DNAJC10: variants seen among roughly 807,000 people sequenced by gnomAD.
The protein encoded by DNAJC10 is endoplasmic reticulum disulfide reductase DNAJC10.
DNAJC10 carries 101 observed loss-of-function variants against 115.0 expected under a neutral mutation model. The observed-to-expected ratio is 0.88, with a 90% CI of 0.75 to 1.04. The LOEUF (loss-of-function observed/expected upper bound fraction) is 1.04. Among genes scored for constraint, DNAJC10 ranks in the 50% least tolerant of loss-of-function variants. The probability of loss-of-function intolerance (pLI) is 0.00; values close to 1 mark genes in which losing one functional copy is unlikely to be tolerated. For missense variants in DNAJC10, 981 were observed against 928.8 expected (o/e 1.06, Z -0.73); for synonymous variants, 307 against 301.5 (o/e 1.02, Z -0.19).
intron 22 of DNAJC10, among the ~76,000 whole-genome samples, chr2:182,764,503 A>G (rs1457707180): frequency 6.6e-6 from 1 of 152,126 alleles, no homozygotes; most frequent in Non-Finnish European, 1.5e-5. Context: ...ATTTACAGGC[A>G]GCCACCATTC....
At position 182,778,791 on chromosome 2, in the gene DNAJC10, C is replaced by G. The variant is rs956548990; in HGVS notation, c.*1659C>G. 1 of 152,180 alleles carries G rather than the reference C, an allele frequency of 6.6e-6. No homozygotes were observed. The highest frequency in any genetic ancestry group is 2.1e-4 in the South Asian group (1 of 4,834). 9.4% of individuals were successfully genotyped at this position (152,180 alleles called of 1,614,324 possible). On this transcript the variant is annotated 3_prime_UTR_variant, in exon 24 of 24. Transcript: ENST00000264065. ...TCAGTAATGGCAAGAGCCTTTCATT[C>G]TCGAATGTTTAAAGCCTAGGAGTTC...
intron 14 of DNAJC10, among the ~76,000 whole-genome samples, chr2:182,748,964 T>C (rs1203588988): frequency 1.3e-5 from 2 of 151,768 alleles, no homozygotes; most frequent in African/African-American, 4.8e-5. Context: ...AGTTGAGCGG[T>C]TTTGAGTGAG....
chr2:182,775,285 C>G lies in DNAJC10; in HGVS notation c.2266-31C>G, dbSNP rs182363819. The G allele has an allele frequency of 1.6e-5, 21 of 1,326,652 alleles. No individual in the cohort carries two copies. In the East Asian group the frequency reaches 5.1e-4, roughly 32 times the overall value. 82.2% of individuals were successfully genotyped at this position (1,326,652 alleles called of 1,614,324 possible). ...GGAAATGTTATGTTTTTATTAAATA[C>G]TTAAAAGATAACAAGTGTTTTTAAT... On this transcript the variant is annotated intron_variant, in intron 22 of 23. Transcript: ENST00000264065.
intron 9 of DNAJC10, among the ~76,000 whole-genome samples, chr2:182,731,358 A>T (rs1209459277): frequency 6.6e-6 from 1 of 152,040 alleles, no homozygotes; most frequent in African/African-American, 2.4e-5. Flanking sequence ...ACTCATGATA[A>T]ATTGTACCTT....
At position 182,775,438 on chromosome 2, in the gene DNAJC10, A is replaced by C. The variant is rs1694681757; in HGVS notation, c.2370+18A>C. The C allele has an allele frequency of 6.4e-7, 1 of 1,569,008 alleles. No homozygotes were observed. The highest frequency in any genetic ancestry group is 1.4e-5 in the African/African-American group (1 of 73,522). ...GGAATAAGGTATGGACTAAGCCTAG[A>C]GTTGACTTTGGCAAAAGTTGGCAAA... On this transcript the variant is annotated intron_variant, in intron 23 of 23. Transcript: ENST00000264065.
At chr2:182,721,956 T>C (rs77712924) in intron 4 of DNAJC10, 69 bp from the exon 5 acceptor site, 1 of 863,336 alleles carries the variant, frequency 1.2e-6, no homozygotes, top group African/African-American at 1.8e-5. Flanking sequence ...AAACGAGTAA[T>C]CTATTTTTAT....
chr2:182,755,875 T>C (rs1694144303), intron 17 of DNAJC10, among the ~76,000 whole-genome samples: 1 of 152,184 alleles, frequency 6.6e-6, no homozygotes, highest in South Asian at 2.1e-4. Flanking sequence ...AGTTGCCTCT[T>C]TGCCTGTTAT....
At chr2:182,776,538 T>C (rs1040645553) in intron 23 of DNAJC10, among the ~76,000 whole-genome samples, 10 of 152,206 alleles carry the variant, frequency 6.6e-5, no homozygotes. Context: ...ACAAAATAGC[T>C]CAGCCTCTGG....
At chr2:182,748,584 T>C (rs1269568191) in intron 14 of DNAJC10, among the ~76,000 whole-genome samples, 1 of 152,210 alleles carries the variant, frequency 6.6e-6, no homozygotes, top group Non-Finnish European at 1.5e-5. Flanking sequence ...ATATCCCCTT[T>C]ATCATTTTTT....
intron 1 of DNAJC10, among the ~76,000 whole-genome samples, chr2:182,716,771 C>T (rs972166128): frequency 6.6e-6 from 1 of 152,134 alleles, no homozygotes; most frequent in Non-Finnish European, 1.5e-5. Context: ...TCATCTTTAC[C>T]CCTCTCCCCT....
chr2:182,792,594 G>C lies in DNAJC10; in HGVS notation c.*15462G>C, dbSNP rs1241529918. The C allele has an allele frequency of 6.6e-6, 1 of 152,280 alleles. No homozygotes were observed. Among genetic ancestry groups the C allele is most frequent in the East Asian group, 1.9e-4 (1 of 5,186 alleles). The allele number at this position is 152,280 out of a possible 1,614,324, so 9.4% of individuals were successfully genotyped here. A position where few individuals can be genotyped will look rare whatever the true frequency, so the allele number is the denominator to read the frequency against. On this transcript the variant is annotated 3_prime_UTR_variant, in exon 24 of 24. Coordinates refer to ENST00000264065, the MANE Select transcript of DNAJC10 (RefSeq NM_018981.4). ...ATTGGCTTAAGCAGTCCATCTAAAT[G>C]CATGCCAGTTTCTTTCTTGATAAAT...
chr2:182,722,711 C>T (rs1192151457), intron 5 of DNAJC10, among the ~76,000 whole-genome samples: 1 of 152,076 alleles, frequency 6.6e-6, no homozygotes, highest in Non-Finnish European at 1.5e-5. Flanking sequence ...GAGGCCAAGG[C>T]AGGCAGATCG....
intron 5 of DNAJC10, among the ~76,000 whole-genome samples, chr2:182,726,557 A>G (rs1285938873): frequency 6.6e-6 from 1 of 152,118 alleles, no homozygotes; most frequent in Non-Finnish European, 1.5e-5. Context: ...TTCAGAGAAA[A>G]TCTTTCAGGA....
intron 7 of DNAJC10, 87 bp downstream of exon 7, chr2:182,729,081 A>G: frequency 1.5e-5 from 21 of 1,367,650 alleles, no homozygotes; most frequent in Non-Finnish European, 2.2e-5. Context: ...TAGAATTTGC[A>G]GAACATTTTA....
In DNAJC10 at chr2:182,788,939, A is replaced by G. The variant is rs1389655885; in HGVS notation, c.*11807A>G. 2 of 402,640 alleles carry G rather than the reference A, an allele frequency of 5.0e-6. No individual in the cohort carries two copies. Among genetic ancestry groups the G allele is most frequent in the South Asian group, 1.9e-5 (1 of 52,560 alleles). 24.9% of individuals were successfully genotyped at this position (402,640 alleles called of 1,614,324 possible). ...TGATAAAGTACATGTAACAAAATTT[A>G]TTAATCATTTTAAAGTAGCATACAG... is the stretch of plus-strand genomic sequence containing the variant. On this transcript the variant is annotated 3_prime_UTR_variant, in exon 24 of 24. Coordinates refer to ENST00000264065, the MANE Select transcript of DNAJC10 (RefSeq NM_018981.4).
At position 182,751,743 on chromosome 2, in the gene DNAJC10, T is replaced by C; in HGVS notation, c.1392T>C (p.Pro464=). ...HVTTLGPQNF[P]ANDKEPWLVD... ...CCACGCTTGGACCTCAAAATTTTCC[T>C]GCCAATGACAAAGAACCATGGCTTG... Residue 464 remains proline (P), a synonymous_variant, in exon 15 of 24, where the codon CCT becomes CCC. Transcript: ENST00000264065. 1 of 1,614,066 alleles carries C rather than the reference T, an allele frequency of 6.2e-7. No individual in the cohort carries two copies. The highest frequency in any genetic ancestry group is 8.5e-7 in the Non-Finnish European group (1 of 1,179,972).
chr2:182,731,011 T>G lies in DNAJC10; in HGVS notation c.728-19T>G. 6.3e-7 allele frequency: 1 copy of G among 1,596,590 alleles called. No individual in the cohort carries two copies. Among genetic ancestry groups the G allele is most frequent in the Non-Finnish European group, 8.5e-7 (1 of 1,170,296 alleles). On this transcript the variant is annotated intron_variant, in intron 8 of 23. Transcript: ENST00000264065. ...AGTAATAGGTGATCAGAATTTGCTT[T>G]TTTTCTTTTATTTTTAAGGAAATTT...
At chr2:182,723,881 C>A (rs1024352309) in intron 5 of DNAJC10, among the ~76,000 whole-genome samples, 5 of 152,168 alleles carry the variant, frequency 3.3e-5, no homozygotes, top group African/African-American at 1.2e-4. Flanking sequence ...CACAAAACTT[C>A]AGAGATAATT....
At chr2:182,719,582 G>A (rs546116561) in intron 3 of DNAJC10, among the ~76,000 whole-genome samples, 1 of 151,548 alleles carries the variant, frequency 6.6e-6, no homozygotes, top group South Asian at 2.1e-4. Context: ...GATAGATTGG[G>A]GCACATCCTT....
Sources: allele counts gnomAD v4.1 joint callset (sites outside exome capture counted in the v4.1 genomes callset), GRCh38; gene constraint gnomAD v4.1.1; transcripts MANE v1.5; gene names NCBI Gene and HGNC (gene_info 2026-07-23, HGNC 2026-07-21).